Variants in CAMTA1 observed in about 807,000 individuals in gnomAD.
CAMTA1 encodes calmodulin-binding transcription activator 1.
In CAMTA1, 27 loss-of-function variants were observed where a neutral mutation model predicts 170.9. That is an observed-to-expected ratio of 0.16 (90% confidence interval 0.12 to 0.22). The LOEUF is 0.22. Among genes scored for constraint, CAMTA1 ranks in the 10% least tolerant of loss-of-function variants. The probability of loss-of-function intolerance (pLI) is 1.00; values close to 1 mark genes in which losing one functional copy is unlikely to be tolerated. For missense variants in CAMTA1, 1,619 were observed against 2,217.2 expected, an observed-to-expected ratio of 0.73 and a Z score of 5.42; for synonymous variants, 833 against 891.5, an observed-to-expected ratio of 0.93 and a Z score of 1.17.
chr1:7,536,204 C>T (rs1393626048), intron 6 of CAMTA1, among the ~76,000 whole-genome samples: 1 of 152,184 alleles, frequency 6.6e-6, no homozygotes, highest in African/African-American at 2.4e-5. Context: ...CTCATAAAAC[C>T]CCACAGCTCC....
chr1:7,323,370 C>G (rs1428644115), intron 5 of CAMTA1, among the ~76,000 whole-genome samples: 1 of 152,010 alleles, frequency 6.6e-6, no homozygotes, highest in Non-Finnish European at 1.5e-5. Flanking sequence ...GGCTTGCTCC[C>G]CCATGGCCTT....
At chr1:7,371,460 A>G (rs888104686) in intron 5 of CAMTA1, among the ~76,000 whole-genome samples, 25 of 150,076 alleles carry the variant, frequency 1.7e-4, no homozygotes, top group African/African-American at 5.9e-4. Context: ...GGGTTTCATC[A>G]TGTTGGCCAG....
intron 4 of CAMTA1, among the ~76,000 whole-genome samples, chr1:7,128,864 A>T: frequency 8.8e-6 from 1 of 113,380 alleles, no homozygotes; most frequent in East Asian, 2.6e-4. Context: ...TTTTTGAGAC[A>T]AGGTCTTGCT....
intron 3 of CAMTA1, among the ~76,000 whole-genome samples, chr1:6,941,538 C>G (rs1686625482): frequency 6.6e-6 from 1 of 152,162 alleles, no homozygotes. Context: ...AGGAGGTCAT[C>G]CCAGAAAACA....
In CAMTA1 at chr1:7,050,175, G is replaced by A. The variant is rs1013305834; in HGVS notation, c.235-41129G>A. On this transcript the variant is annotated intron_variant, in intron 3 of 22. Coordinates refer to ENST00000303635, the MANE Select transcript of CAMTA1 (RefSeq NM_015215.4). This position sits in a 1 kb window ranked among gnomAD's most constrained non-coding sequence, Gnocchi z 4.8. ...AGGAGGTGAGGCCGGGGAAGTGACC[G>A]GCAGGGCCACGGAGGACTCAGGCGG... is the stretch of plus-strand genomic sequence containing the variant. Among the ~76,000 whole-genome samples the A allele has an allele frequency of 2.0e-5, 3 of 152,320 alleles. No individual in the cohort carries two copies. Among genetic ancestry groups the A allele is most frequent in the African/African-American group, 4.8e-5 (2 of 41,576 alleles).
chr1:7,709,400 G>A (rs2149636352), intron 11 of CAMTA1, among the ~76,000 whole-genome samples: 1 of 152,332 alleles, frequency 6.6e-6, no homozygotes, highest in Non-Finnish European at 1.5e-5. Flanking sequence ...CCTACTCCGT[G>A]CCTTTGGTTC....
intron 3 of CAMTA1, among the ~76,000 whole-genome samples, chr1:6,990,045 A>G (rs957834544): frequency 5.3e-5 from 8 of 152,276 alleles, no homozygotes; most frequent in Non-Finnish European, 1.0e-4. Flanking sequence ...CCCTTCTGCT[A>G]ACATCTCACT....
intron 4 of CAMTA1, among the ~76,000 whole-genome samples, chr1:7,215,367 T>C (rs964733068): frequency 3.3e-5 from 5 of 152,230 alleles, no homozygotes; most frequent in Non-Finnish European, 5.9e-5. Flanking sequence ...GTTTTAAATA[T>C]GTCTCATAAA....
At chr1:7,292,337 A>G (rs1481625634) in intron 5 of CAMTA1, among the ~76,000 whole-genome samples, 1 of 152,172 alleles carries the variant, frequency 6.6e-6, no homozygotes, top group Non-Finnish European at 1.5e-5. Context: ...CTTATTTAGC[A>G]GGCAGAGCCA....
At chr1:7,489,265 A>G (rs2093667066) in intron 6 of CAMTA1, among the ~76,000 whole-genome samples, 1 of 152,110 alleles carries the variant, frequency 6.6e-6, no homozygotes, top group Admixed American at 6.5e-5. Flanking sequence ...AGATTCAACA[A>G]CCTAGATAAG....
At chr1:7,563,632 C>T (rs191078632) in intron 6 of CAMTA1, among the ~76,000 whole-genome samples, 30 of 152,356 alleles carry the variant, frequency 2.0e-4, no homozygotes, top group African/African-American at 6.5e-4. Flanking sequence ...GCAGCCAGTG[C>T]GTTTGCTCAC....
chr1:7,229,172 T>C (rs1318250008), intron 4 of CAMTA1, among the ~76,000 whole-genome samples: 1 of 151,482 alleles, frequency 6.6e-6, no homozygotes, highest in East Asian at 2.0e-4. Flanking sequence ...CAGAGGGGGC[T>C]GAGAGAGCTC....
intron 3 of CAMTA1, among the ~76,000 whole-genome samples, chr1:7,062,294 A>G (rs1386448427): frequency 1.3e-5 from 2 of 152,224 alleles, no homozygotes; most frequent in Non-Finnish European, 1.5e-5. Context: ...TTCCTGAGAC[A>G]TAGATAATAT....
chr1:7,734,278 A>G (rs1375675507), intron 12 of CAMTA1, among the ~76,000 whole-genome samples: 4 of 152,212 alleles, frequency 2.6e-5, no homozygotes, highest in Admixed American at 6.5e-5. Context: ...AGAAGTAATC[A>G]TTGTTTAATT....
intron 4 of CAMTA1, among the ~76,000 whole-genome samples, chr1:7,155,940 CT>C (rs1411111787): frequency 6.6e-6 from 1 of 152,016 alleles, no homozygotes; most frequent in East Asian, 1.9e-4. Flanking sequence ...AGAGCTAGCT[CT>C]GTGCCAAAAA....
At position 6,979,279 on chromosome 1, in the gene CAMTA1, CCT is replaced by C. The variant is rs144396258; in HGVS notation, c.235-112024_235-112023del. On this transcript the variant is annotated intron_variant, in intron 3 of 22. Transcript: ENST00000303635. ...CAGGGTCTCCGGCACAGGGGGGCTTCCTAGGTGCTGCTCCCTCTCCCACTCTG... is the reference window on the plus strand; with the variant it reads ...CAGGGTCTCCGGCACAGGGGGGCTTCAGGTGCTGCTCCCTCTCCCACTCTG... Among the ~76,000 whole-genome samples, 208 of 152,322 alleles carry C rather than the reference CCT, an allele frequency of 1.4e-3. 1 individual carries two copies. The highest frequency in any genetic ancestry group is 4.9e-3 in the African/African-American group (203 of 41,574).
In CAMTA1 at chr1:7,768,463, C is replaced by T. The variant is rs1030934884; in HGVS notation, c.*1972C>T. 1.3e-5 allele frequency: 2 copies of T among 152,796 alleles called. No individual in the cohort carries two copies. Among genetic ancestry groups the T allele is most frequent in the African/African-American group, 2.4e-5 (1 of 41,452 alleles). The allele number at this position is 152,796 out of a possible 1,614,324, so 9.5% of individuals were successfully genotyped here. On this transcript the variant is annotated 3_prime_UTR_variant, in exon 23 of 23. Coordinates refer to ENST00000303635, the MANE Select transcript of CAMTA1 (RefSeq NM_015215.4). ...TCTGGCTGCCAACTGTGAGTTAAAA[C>T]TCAAGGCTTGTTGTGAAGCCTAAAA... is the stretch of plus-strand genomic sequence containing the variant.
intron 6 of CAMTA1, among the ~76,000 whole-genome samples, chr1:7,486,140 T>A (rs1079330): frequency 0.69 from 105,188 of 152,186 alleles, 37,987 homozygotes; most frequent in African/African-American, 0.91. Context: ...GGTGTGACAG[T>A]TTGCAGAATG....
At chr1:7,483,717 G>C (rs2093573949) in intron 6 of CAMTA1, among the ~76,000 whole-genome samples, 1 of 152,176 alleles carries the variant, frequency 6.6e-6, no homozygotes, top group Non-Finnish European at 1.5e-5. Flanking sequence ...TTGCAGAACA[G>C]AGTCTCGTCC....
Sources: gnomAD v4.1 joint callset for allele counts (sites outside exome capture counted in the v4.1 genomes callset) on GRCh38, gnomAD v4.1.1 for gene constraint, Gnocchi (gnomAD v3.1) non-coding constraint, MANE v1.5 for transcripts, NCBI Gene and HGNC (gene_info 2026-07-23, HGNC 2026-07-21) for gene names.